Variants in TTK observed in about 807,000 individuals in gnomAD.
TTK encodes the protein dual specificity protein kinase TTK.
Under a neutral mutation model 117.3 loss-of-function variants are expected in TTK, and 59 were observed. That is an observed-to-expected ratio of 0.50 (90% CI 0.41 to 0.62). The LOEUF is 0.62. Ranked by LOEUF, TTK falls within the 20% of genes least tolerant of loss-of-function variation. The pLI is 0.00. For synonymous variants in TTK, 302 were observed against 325.0 expected (o/e 0.93, Z 0.76); for missense variants, 921 against 989.4 (o/e 0.93, Z 0.93).
chr6:80,041,678 A>T (rs867922071), intron 21 of TTK, among the ~76,000 whole-genome samples: 1 of 151,206 alleles, frequency 6.6e-6, no homozygotes, highest in African/African-American at 2.4e-5. Flanking sequence ...TCATTTTTAA[A>T]TACATGGATT....
At position 80,011,803 on chromosome 6, in the gene TTK, T is replaced by A; in HGVS notation, c.801+2T>A. On this transcript the variant is annotated splice_donor_variant, in intron 7 of 21. Transcript: ENST00000369798. LOFTEE classifies it high-confidence loss of function. The stretch of plus-strand genomic sequence containing the variant: ...AGACAAACTAACAAAACTAAACAGG[T>A]AAGTTACTTTCAATCTGCTTGATTA... The A allele has an allele frequency of 6.2e-7, 1 of 1,612,642 alleles. No homozygotes were observed. Among genetic ancestry groups the A allele is most frequent in the Non-Finnish European group, 8.5e-7 (1 of 1,179,114 alleles).
chr6:80,026,665 C>G, intron 12 of TTK, 151 bp downstream of exon 12: 1 of 1,175,994 alleles, frequency 8.5e-7, no homozygotes. Context: ...GTGTTTTCAT[C>G]TATAAAATGG....
chr6:80,026,342 A>G (rs758022564), intron 11 of TTK, 36 bp from the exon 12 acceptor site: 10 of 1,581,114 alleles, frequency 6.3e-6, no homozygotes, highest in Non-Finnish European at 8.6e-6. Flanking sequence ...CAACTAATTT[A>G]AAAACTAAAT....
chr6:80,029,572 G>T (rs1375822973), intron 13 of TTK, among the ~76,000 whole-genome samples: 5 of 152,230 alleles, frequency 3.3e-5, no homozygotes, highest in African/African-American at 9.6e-5. Flanking sequence ...AAGGGGCTTG[G>T]TGGAGCCTTC....
intron 10 of TTK, among the ~76,000 whole-genome samples, chr6:80,019,827 A>G (rs1270185033): frequency 6.6e-6 from 1 of 152,222 alleles, no homozygotes; most frequent in Non-Finnish European, 1.5e-5. Flanking sequence ...TGACATCTTA[A>G]TATATAGACA....
intron 21 of TTK, 91 bp downstream of exon 21, chr6:80,040,794 C>T (rs530843710): frequency 5.3e-6 from 6 of 1,134,580 alleles, no homozygotes; most frequent in Non-Finnish European, 7.6e-6. Flanking sequence ...AAAAGTTGGT[C>T]CAATCATCAG....
Position 80,042,393 on chromosome 6 carries a change from G to T in TTK, c.*191G>T. 1 of 361,912 alleles carries T rather than the reference G, an allele frequency of 2.8e-6. No individual in the cohort carries two copies. The highest frequency in any genetic ancestry group is 5.1e-6 in the Non-Finnish European group (1 of 195,756). 22.4% of individuals were successfully genotyped at this position (361,912 alleles called of 1,614,324 possible). ...CACTTATGGCACTGTATATATTGTA[G>T]ACTTGTTTTCTCTGTTTTATGCTCT... On this transcript the variant is annotated 3_prime_UTR_variant, in exon 22 of 22. Transcript: ENST00000369798.
chr6:80,020,281 T>C (rs1228609341), intron 10 of TTK, among the ~76,000 whole-genome samples: 1 of 152,250 alleles, frequency 6.6e-6, no homozygotes, highest in Admixed American at 6.5e-5. Flanking sequence ...AAAAAGTCTC[T>C]ATGGCAATTT....
rs372158896 is a variant in TTK at position 80,039,881 on chromosome 6, A to G, written c.2307+9A>G. On this transcript the variant is annotated intron_variant, in intron 19 of 21. Transcript: ENST00000369798. ...TTCAAGATGTGTTAAAGGTAATATT[A>G]ATTTCATGTAACTAATTATTTACTT... 1.1e-5 allele frequency: 17 copies of G among 1,490,262 alleles called. No individual in the cohort carries two copies. The South Asian group carries it at 1.5e-4, about 13-fold the overall frequency. 92.3% of individuals were successfully genotyped at this position (1,490,262 alleles called of 1,614,324 possible).
intron 17 of TTK, among the ~76,000 whole-genome samples, chr6:80,037,194 G>A (rs888829169): frequency 6.6e-6 from 1 of 152,104 alleles, no homozygotes; most frequent in African/African-American, 2.4e-5. Flanking sequence ...TATGTTCCAT[G>A]TTTACAGATT....
chr6:80,032,400 C>G (rs940046151), intron 14 of TTK, among the ~76,000 whole-genome samples: 1 of 152,076 alleles, frequency 6.6e-6, no homozygotes, highest in African/African-American at 2.4e-5. Context: ...TCATCTTTTT[C>G]TTAAACTCAT....
Position 80,007,991 on chromosome 6 carries a change from A to ACTAG in TTK, c.322_323insCTAG (p.Ser108ThrfsTer5). 1.3e-6 allele frequency: 2 copies of ACTAG among 1,591,580 alleles called. No homozygotes were observed. The highest frequency in any genetic ancestry group is 1.1e-5 in the South Asian group (1 of 90,496). ...CCCAGATAAATATGGCCAAAATGAG[A>ACTAG]GTTTTGCTAGAATTCAAGTGAGATT... is the stretch of plus-strand genomic sequence containing the variant. On this transcript the variant is annotated frameshift_variant, in exon 3 of 22. Coordinates refer to ENST00000369798, the MANE Select transcript of TTK (RefSeq NM_003318.5). LOFTEE classifies it high-confidence loss of function.
intron 8 of TTK, 59 bp from the exon 9 acceptor site, chr6:80,013,220 C>T: frequency 7.2e-7 from 1 of 1,381,198 alleles, no homozygotes; most frequent in Non-Finnish European, 9.9e-7. Context: ...TGAAAAAATA[C>T]ATTGAAAATT....
Position 80,042,129 on chromosome 6 carries a change from A to G in TTK, c.2501A>G (p.Glu834Gly). The change falls in exon 22 of 22, where the codon GAA (glutamate) becomes GGA (glycine). Residue 834 changes from glutamate (E) to glycine (G), a missense_variant. Physicochemically the swap from Glu to Gly is moderately conservative, Grantham distance 98. Coordinates refer to ENST00000369798, the MANE Select transcript of TTK (RefSeq NM_003318.5). ...GTTTTTTAATTTCAGACTTTATATGAACACTATAGTGGTGGTGAAAGTCAT... is the reference window on the plus strand; with the variant it reads ...GTTTTTTAATTTCAGACTTTATATGGACACTATAGTGGTGGTGAAAGTCAT... ...SILKAAKTLYEHYSGGESHNS... is the reference protein window; with the variant it reads ...SILKAAKTLYGHYSGGESHNS... 1 of 1,568,100 alleles carries G rather than the reference A, an allele frequency of 6.4e-7. No homozygotes were observed.
Position 80,042,227 on chromosome 6 carries a change from T to C in TTK, c.*25T>C. On this transcript the variant is annotated 3_prime_UTR_variant, in exon 22 of 22. Coordinates refer to ENST00000369798, the MANE Select transcript of TTK (RefSeq NM_003318.5). Reference sequence around the variant, plus strand: ...ATTTGCAGTTATTCGTAATGTCAGATACCACCTATAAAATATATTGGACTG... The same window carrying C: ...ATTTGCAGTTATTCGTAATGTCAGACACCACCTATAAAATATATTGGACTG... 1 of 1,522,978 alleles carries C rather than the reference T, an allele frequency of 6.6e-7. No individual in the cohort carries two copies. Among genetic ancestry groups the C allele is most frequent in the Non-Finnish European group, 9.0e-7 (1 of 1,107,866 alleles). 94.3% of individuals were successfully genotyped at this position (1,522,978 alleles called of 1,614,324 possible).
At chr6:80,034,519 T>C (rs1354112652) in intron 14 of TTK, among the ~76,000 whole-genome samples, 1 of 152,174 alleles carries the variant, frequency 6.6e-6, no homozygotes, top group Admixed American at 6.6e-5. Flanking sequence ...CTTGAGACCG[T>C]GTCTCACTAT....
At chr6:80,023,208 A>T (rs1455912728) in intron 11 of TTK, among the ~76,000 whole-genome samples, 2 of 152,188 alleles carry the variant, frequency 1.3e-5, no homozygotes, top group African/African-American at 4.8e-5. Context: ...AGTGCCCCTA[A>T]AGAGCTTTTG....
At chr6:80,022,524 C>T (rs2273753) in intron 11 of TTK, 52 bp downstream of exon 11, 74,882 of 1,563,918 alleles carry the variant, frequency 0.048, 2,210 homozygotes, top group South Asian at 0.11. Context: ...AATGCATTTC[C>T]GAAGGTTGAT....
At position 80,042,258 on chromosome 6, in the gene TTK, C is replaced by G; in HGVS notation, c.*56C>G. 7.5e-7 allele frequency: 1 copy of G among 1,341,446 alleles called. No homozygotes were observed. Among genetic ancestry groups the G allele is most frequent in the Non-Finnish European group, 1.0e-6 (1 of 965,004 alleles). 83.1% of individuals were successfully genotyped at this position (1,341,446 alleles called of 1,614,324 possible). A position where few individuals can be genotyped will look rare whatever the true frequency, so the allele number is the denominator to read the frequency against. On this transcript the variant is annotated 3_prime_UTR_variant, in exon 22 of 22. Transcript: ENST00000369798. ...CTATAAAATATATTGGACTGTTATA[C>G]TCTTGAATCCCTGTGGAAATCTACA...
Sources: allele counts gnomAD v4.1 joint callset (sites outside exome capture counted in the v4.1 genomes callset), GRCh38; gene constraint gnomAD v4.1.1; transcripts MANE v1.5; gene names NCBI Gene and HGNC (gene_info 2026-07-23, HGNC 2026-07-21).